DNPEP: variants seen among roughly 807,000 people sequenced by gnomAD.
DNPEP encodes the protein aspartyl aminopeptidase.
Under a neutral mutation model 59.1 loss-of-function variants are expected in DNPEP, and 46 were observed. That is an observed-to-expected ratio of 0.78 (90% confidence interval 0.61 to 0.99). The LOEUF (loss-of-function observed/expected upper bound fraction) is 0.99, where lower values mean the gene tolerates loss of function less well. Among genes scored for constraint, DNPEP ranks in the 50% least tolerant of loss-of-function variants. The probability of loss-of-function intolerance (pLI) is 0.00; values close to 1 mark genes in which losing one functional copy is unlikely to be tolerated. For synonymous variants in DNPEP, 229 were observed against 242.2 expected (o/e 0.95, Z 0.50); for missense variants, 617 against 649.9 (o/e 0.95, Z 0.55).
chr2:219,387,836 C>T lies in DNPEP; in HGVS notation c.-42G>A. 10 of 1,549,388 alleles carry T rather than the reference C, an allele frequency of 6.5e-6. No homozygotes were observed. Among genetic ancestry groups the T allele is most frequent in the Non-Finnish European group, 8.7e-6 (10 of 1,150,930 alleles). On this transcript the variant is annotated 5_prime_UTR_variant, in exon 1 of 15. Transcript: ENST00000273075. ...GCCCGCCCCCACCGCGCCGCCTGCC[C>T]CGCCCCTCACTAGCTTTGCAGGTCC...
intron 9 of DNPEP, among the ~76,000 whole-genome samples, chr2:219,383,467 TTTTTTCTC>T (rs1479438842): frequency 1.3e-5 from 2 of 152,042 alleles, no homozygotes; most frequent in African/African-American, 2.4e-5. Flanking sequence ...TGAGGACCTT[TTTTTTCTC>T]TTTTTTTCTT....
In DNPEP at chr2:219,386,894, TGCTCTCGG is replaced by T. The variant is rs1953867029; in HGVS notation, c.209_216del (p.Pro70GlnfsTer69). On this transcript the variant is annotated frameshift_variant, in exon 3 of 15. Transcript: ENST00000273075. LOFTEE classifies it high-confidence loss of function. The stretch of plus-strand genomic sequence containing the variant: ...CACCCCCACCCCACCCCCAGTACCT[TGCTCTCGG>T]GCTTAATATTCCATTTCTCAGTCTC... 6.2e-7 allele frequency: 1 copy of T among 1,604,374 alleles called. No individual in the cohort carries two copies. The highest frequency in any genetic ancestry group is 1.1e-5 in the South Asian group (1 of 90,846).
chr2:219,381,891 G>A (rs1953617810), intron 11 of DNPEP, 88 bp downstream of exon 11: 2 of 1,496,796 alleles, frequency 1.3e-6, no homozygotes, highest in Admixed American at 3.7e-5. Context: ...GAGAAAGGAA[G>A]AGGCTGGGGC....
intron 13 of DNPEP, among the ~76,000 whole-genome samples, chr2:219,380,552 GA>G (rs1279494388): frequency 1.3e-5 from 2 of 151,978 alleles, no homozygotes; most frequent in Non-Finnish European, 2.9e-5. Context: ...TAGATACACT[GA>G]CCATTTTGTT....
In DNPEP at chr2:219,380,598, C is replaced by T. The variant is rs116711978; in HGVS notation, c.1239+737G>A. On this transcript the variant is annotated intron_variant, in intron 13 of 14. Transcript: ENST00000273075. ...TACAGTTTTCAGCACAGTAAGAAGC[C>T]GTACAGGTTTGTAGCCTAGGAGCAA... Among the ~76,000 whole-genome samples, 569 of 152,090 alleles carry T rather than the reference C, an allele frequency of 3.7e-3. 5 individuals carry two copies. Among genetic ancestry groups the T allele is most frequent in the African/African-American group, 0.013 (538 of 41,498 alleles).
chr2:219,385,504 A>G lies in DNPEP; in HGVS notation c.694T>C (p.Ser232Pro), dbSNP rs779215831. ...AGCCCCAGATGGGCACAGAGCAGGG[A>G]CATGAGGACCGAATGGTGCCGCTCA... The part of the protein sequence containing the change: ...VDERHHSVLM[S>P]LLCAHLGLSP... The change falls in exon 8 of 15, where the codon TCC becomes CCC. Residue 232 changes from serine (S) to proline (P), a missense_variant. By Grantham distance (74) the Ser-to-Pro change is moderately conservative. Coordinates refer to ENST00000273075, the MANE Select transcript of DNPEP (RefSeq NM_012100.4). 1 of 1,605,090 alleles carries G rather than the reference A, an allele frequency of 6.2e-7. No individual in the cohort carries two copies. Among genetic ancestry groups the G allele is most frequent in the East Asian group, 2.2e-5 (1 of 44,544 alleles).
rs1261646017 is a variant in DNPEP at position 219,383,117 on chromosome 2, A to G, written c.936+14T>C. 2 of 1,612,908 alleles carry G rather than the reference A, an allele frequency of 1.2e-6. No homozygotes were observed. The highest frequency in any genetic ancestry group is 1.7e-6 in the Non-Finnish European group (2 of 1,179,032). On this transcript the variant is annotated intron_variant, in intron 10 of 14. Transcript: ENST00000273075. ...ACTCCGCAGAGGTGACCCTCCCCAG[A>G]ACCCTCCACGTACCTCTTCGTTGTC... is the stretch of plus-strand genomic sequence containing the variant.
Position 219,374,259 on chromosome 2 carries a change from A to C in DNPEP, c.*33T>G, listed in dbSNP as rs1433114165. 6.2e-7 allele frequency: 1 copy of C among 1,602,728 alleles called. No homozygotes were observed. The highest frequency in any genetic ancestry group is 1.7e-5 in the Admixed American group (1 of 59,930). On this transcript the variant is annotated 3_prime_UTR_variant, in exon 15 of 15. Coordinates refer to ENST00000273075, the MANE Select transcript of DNPEP (RefSeq NM_012100.4). ...GCTGAGAACTTCCCCTCTCAGGTGC[A>C]AAGGGATGGCAGAGAAGTCTTTCCA...
intron 14 of DNPEP, among the ~76,000 whole-genome samples, chr2:219,374,604 T>A (rs948316281): frequency 1.3e-5 from 2 of 152,158 alleles, no homozygotes; most frequent in Admixed American, 1.3e-4. Context: ...AGACATGGAC[T>A]TGCCATGTTG....
chr2:219,378,460 TG>T (rs1273065445), intron 13 of DNPEP, among the ~76,000 whole-genome samples: 2 of 152,222 alleles, frequency 1.3e-5, no homozygotes, highest in African/African-American at 2.4e-5. Flanking sequence ...GAAGGCTTCC[TG>T]GGGGCAGAAC....
intron 1 of DNPEP, 49 bp downstream of exon 1, chr2:219,387,710 G>A (rs1338794353): frequency 1.9e-6 from 3 of 1,606,464 alleles, no homozygotes; most frequent in Non-Finnish European, 2.5e-6. Flanking sequence ...GAGGGCGCCG[G>A]ACCCGGTCTG....
intron 8 of DNPEP, 103 bp downstream of exon 8, chr2:219,385,321 A>T (rs1953763492): frequency 2.8e-6 from 2 of 703,302 alleles, no homozygotes; most frequent in Non-Finnish European, 5.0e-6. Context: ...GATGAGAGTT[A>T]CTGAGGGCTT....
chr2:219,399,929 G>A, intron 1 of DNPEP: 1 of 1,550,368 alleles, frequency 6.5e-7, no homozygotes, highest in Non-Finnish European at 8.7e-7. Context: ...GAGCCATGGT[G>A]ACCTGCTCAC....
chr2:219,387,359 T>A lies in DNPEP; in HGVS notation c.37-196A>T, dbSNP rs1025213973. ...AAAGCTTCAGCCCGCCGGCCCAGGA[T>A]CATGAGCCAGGCCCGCCCCTTAATC... On this transcript the variant is annotated intron_variant, in intron 1 of 14. Coordinates refer to ENST00000273075, the MANE Select transcript of DNPEP (RefSeq NM_012100.4). 2.8e-5 allele frequency: 41 copies of A among 1,441,492 alleles called. No homozygotes were observed. In the East Asian group the frequency reaches 1.0e-3, roughly 36 times the overall value. The allele number at this position is 1,441,492 out of a possible 1,614,324, so 89.3% of individuals were successfully genotyped here.
upstream of DNPEP, among the ~76,000 whole-genome samples, chr2:219,390,769 G>A (rs1954004000): frequency 6.6e-6 from 1 of 152,188 alleles, no homozygotes; most frequent in African/African-American, 2.4e-5. Context: ...GGCAGAGGTT[G>A]CAGTGAGCCG....
At chr2:219,388,421 C>G (rs543436704), upstream of DNPEP, 3,634 of 133,916 alleles carry the variant, frequency 0.027, 162 homozygotes, top group African/African-American at 0.095. Flanking sequence ...CCGCTCGTCA[C>G]GCTTCCTCGT....
intron 13 of DNPEP, 35 bp from the exon 14 acceptor site, chr2:219,375,057 G>A: frequency 1.2e-6 from 2 of 1,610,162 alleles, no homozygotes; most frequent in South Asian, 1.1e-5. Flanking sequence ...GCAACATGCA[G>A]TGTGTGCTTA....
chr2:219,393,646 T>G (rs1954053151), upstream of DNPEP: 1 of 152,296 alleles, frequency 6.6e-6, no homozygotes, highest in African/African-American at 2.4e-5. Flanking sequence ...GAGGTCCTAT[T>G]GCATCTCCTG....
rs768550852 is a variant in DNPEP at position 219,386,748 on chromosome 2, T to C, written c.250A>G (p.Ile84Val). 1.2e-6 allele frequency: 2 copies of C among 1,613,020 alleles called. No individual in the cohort carries two copies. Among genetic ancestry groups the C allele is most frequent in the African/African-American group, 1.3e-5 (1 of 74,872 alleles). The change falls in exon 4 of 15, where the codon ATA becomes GTA. Residue 84 changes from isoleucine to valine, a missense_variant. Transcript: ENST00000273075. The stretch of plus-strand genomic sequence containing the variant: ...TACTGGCCCCCTACAGCAAAAGCTA[T>C]GATGGTGGAGGAGTTCCTGGTCATG... ...YFMTRNSSTI[I>V]AFAVGGQYVP...
Sources: allele counts gnomAD v4.1 joint callset (sites outside exome capture counted in the v4.1 genomes callset), GRCh38; gene constraint gnomAD v4.1.1; transcripts MANE v1.5; gene names NCBI Gene and HGNC (gene_info 2026-07-23, HGNC 2026-07-21).